PLEKHA7: variants seen among roughly 807,000 people sequenced by gnomAD.
PLEKHA7 encodes the protein pleckstrin homology domain containing A7, also known as pleckstrin homology domain-containing family A member 7.
PLEKHA7 carries 104 observed loss-of-function variants against 170.0 expected under a neutral mutation model. The observed-to-expected ratio is 0.61, with a 90% CI of 0.52 to 0.72. The LOEUF (loss-of-function observed/expected upper bound fraction) is 0.72. PLEKHA7 is among the 30% of genes least tolerant of loss of function. PLEKHA7 has a pLI of 0.00. For missense variants in PLEKHA7, 1,615 were observed against 1,671.7 expected (o/e 0.97, Z 0.59); for synonymous variants, 648 against 660.8 (o/e 0.98, Z 0.30).
intron 3 of PLEKHA7, among the ~76,000 whole-genome samples, chr11:16,974,268 A>C (rs1862912716): frequency 1.3e-5 from 1 of 74,294 alleles, no homozygotes; most frequent in African/African-American, 3.2e-5. Context: ...CCCTGTCTCC[A>C]AAAAAAAAAA....
At chr11:16,876,920 C>T (rs1855341044) in intron 3 of PLEKHA7, among the ~76,000 whole-genome samples, 1 of 152,164 alleles carries the variant, frequency 6.6e-6, no homozygotes, top group Non-Finnish European at 1.5e-5. Flanking sequence ...TGATGCTTAA[C>T]AGAACAGTGG....
In PLEKHA7 at chr11:16,798,954, T is replaced by C. The variant is rs78348001; in HGVS notation, c.2409+2020A>G. On this transcript the variant is annotated intron_variant, in intron 17 of 26. Transcript: ENST00000531066. The stretch of plus-strand genomic sequence containing the variant: ...AGTAGAAAACACCCAGACTATGAAA[T>C]AGTATGTAACAGTCAAGAAAAACAA... 1.8e-3 allele frequency among the ~76,000 whole-genome samples: 268 copies of C among 152,202 alleles called. 1 individual carries two copies. The highest frequency in any genetic ancestry group is 2.8e-3 in the Non-Finnish European group (193 of 68,006).
intron 3 of PLEKHA7, among the ~76,000 whole-genome samples, chr11:16,878,982 C>T (rs931796519): frequency 1.3e-5 from 2 of 152,184 alleles, no homozygotes; most frequent in African/African-American, 4.8e-5. Flanking sequence ...ACAACTTCCT[C>T]AACTCCCCTG....
chr11:16,941,691 T>C (rs1257313330), intron 3 of PLEKHA7, among the ~76,000 whole-genome samples: 2 of 152,220 alleles, frequency 1.3e-5, no homozygotes, highest in African/African-American at 4.8e-5. Context: ...CATGAGGAAA[T>C]GAAGCCTCAG....
At chr11:16,898,851 C>A (rs918608346) in intron 3 of PLEKHA7, among the ~76,000 whole-genome samples, 2 of 152,160 alleles carry the variant, frequency 1.3e-5, no homozygotes, top group African/African-American at 4.8e-5. Flanking sequence ...CCTCTAAAAT[C>A]CAAACCTATG....
chr11:16,863,786 C>T (rs1854169511), intron 4 of PLEKHA7, among the ~76,000 whole-genome samples: 1 of 152,136 alleles, frequency 6.6e-6, no homozygotes, highest in Non-Finnish European at 1.5e-5. Flanking sequence ...TTAGGAGGGG[C>T]CCTGCATGTG....
At chr11:16,935,806 T>C (rs1860249219) in intron 3 of PLEKHA7, among the ~76,000 whole-genome samples, 1 of 152,158 alleles carries the variant, frequency 6.6e-6, no homozygotes, top group Non-Finnish European at 1.5e-5. Context: ...AAAGTGGTAT[T>C]TTTGTCTAGC....
chr11:16,963,140 G>A (rs185954112), intron 3 of PLEKHA7, among the ~76,000 whole-genome samples: 7 of 152,296 alleles, frequency 4.6e-5, no homozygotes, highest in East Asian at 3.9e-4. Context: ...CCTAGAGGAG[G>A]GCCATGCCAC....
intron 13 of PLEKHA7, among the ~76,000 whole-genome samples, chr11:16,805,952 A>T (rs1848955542): frequency 1.3e-5 from 2 of 152,122 alleles, no homozygotes; most frequent in Non-Finnish European, 2.9e-5. Context: ...CTCTTTCCAC[A>T]CGTTGCATCT....
intron 3 of PLEKHA7, among the ~76,000 whole-genome samples, chr11:16,920,523 C>T (rs186359638): frequency 1.1e-3 from 162 of 152,346 alleles, no homozygotes; most frequent in Non-Finnish European, 1.2e-3. Context: ...TCCTTAATTT[C>T]CTCCATCTTC....
chr11:16,901,875 TAATAAA>T (rs1200440505), intron 3 of PLEKHA7, among the ~76,000 whole-genome samples: 7 of 152,120 alleles, frequency 4.6e-5, no homozygotes, highest in African/African-American at 1.2e-4. Context: ...TCTCAAAATA[TAATAAA>T]AATAAAGTAT....
intron 3 of PLEKHA7, among the ~76,000 whole-genome samples, chr11:16,976,117 A>G (rs12271861): frequency 0.022 from 3,397 of 152,354 alleles, 149 homozygotes; most frequent in African/African-American, 0.078. Flanking sequence ...CTATTTGGCC[A>G]GAGCCCCAAG....
At chr11:16,957,690 T>TA (rs1242215827) in intron 3 of PLEKHA7, among the ~76,000 whole-genome samples, 2,041 of 62,850 alleles carry the variant, frequency 0.032, 166 homozygotes, top group South Asian at 0.074. Flanking sequence ...ACCTCAATAA[T>TA]TTTTTTCTTT....
At position 16,983,822 on chromosome 11, in the gene PLEKHA7, G is replaced by T. The variant is rs577267124; in HGVS notation, c.221+30167C>A. On this transcript the variant is annotated intron_variant, in intron 3 of 26. Coordinates refer to ENST00000531066, the MANE Select transcript of PLEKHA7 (RefSeq NM_001329630.2). ...CTCCCAAAAGGGCAGAAGATAGGTG[G>T]AATGAGGGCCCAGGCCAAGACTAGA... Among the ~76,000 whole-genome samples the T allele has an allele frequency of 3.9e-5, 6 of 152,294 alleles. No individual in the cohort carries two copies. In the South Asian group the frequency reaches 1.2e-3, roughly 32 times the overall value.
intron 9 of PLEKHA7, among the ~76,000 whole-genome samples, chr11:16,828,514 G>A (rs1295125448): frequency 1.3e-5 from 2 of 152,120 alleles, no homozygotes; most frequent in Non-Finnish European, 2.9e-5. Flanking sequence ...AATATACAGA[G>A]AGAACTGAGA....
intron 3 of PLEKHA7, among the ~76,000 whole-genome samples, chr11:16,978,740 A>G (rs1863224267): frequency 6.6e-6 from 1 of 152,214 alleles, no homozygotes; most frequent in South Asian, 2.1e-4. Flanking sequence ...CCCTGGAAGG[A>G]CGGAGTCACC....
At chr11:16,912,043 T>C (rs1158540750) in intron 3 of PLEKHA7, among the ~76,000 whole-genome samples, 1 of 152,220 alleles carries the variant, frequency 6.6e-6, no homozygotes, top group Non-Finnish European at 1.5e-5. Context: ...TTTGGCACTT[T>C]ACCCTTTCTG....
At chr11:16,984,982 C>T (rs139843151) in intron 3 of PLEKHA7, among the ~76,000 whole-genome samples, 1 of 152,194 alleles carries the variant, frequency 6.6e-6, no homozygotes, top group African/African-American at 2.4e-5. Context: ...GCCTGACAGC[C>T]CCCTTAACTC....
chr11:16,900,858 T>A (rs529475715), intron 3 of PLEKHA7, among the ~76,000 whole-genome samples: 25 of 152,026 alleles, frequency 1.6e-4, no homozygotes, highest in African/African-American at 4.1e-4. Flanking sequence ...TTATTTTTTT[T>A]TTTTTTTGAG....
Sources: gnomAD v4.1 joint callset for allele counts (sites outside exome capture counted in the v4.1 genomes callset) on GRCh38, gnomAD v4.1.1 for gene constraint, MANE v1.5 for transcripts, NCBI Gene and HGNC (gene_info 2026-07-23, HGNC 2026-07-21) for gene names.